PIBF1: variants seen among roughly 807,000 people sequenced by gnomAD.
PIBF1 encodes progesterone immunomodulatory binding factor 1.
In PIBF1, 90 loss-of-function variants were observed where a neutral mutation model predicts 112.5. The observed-to-expected ratio is 0.80, with a 90% confidence interval of 0.67 to 0.95. PIBF1 has a LOEUF of 0.95. Ranked by LOEUF, PIBF1 falls within the 40% of genes least tolerant of loss-of-function variation. PIBF1 has a pLI of 0.00. For missense variants in PIBF1, 915 were observed against 852.3 expected (o/e 1.07, Z -0.92); for synonymous variants, 301 against 288.6 (o/e 1.04, Z -0.44).
At chr13:72,851,532 GC>G (rs2038156478) in intron 9 of PIBF1, among the ~76,000 whole-genome samples, 2 of 152,358 alleles carry the variant, frequency 1.3e-5, no homozygotes, top group Non-Finnish European at 2.9e-5. Context: ...GTGCAGGCCT[GC>G]AGGTGCCCTT....
At chr13:73,005,481 T>C (rs1228963717) in intron 17 of PIBF1, among the ~76,000 whole-genome samples, 1 of 151,220 alleles carries the variant, frequency 6.6e-6, no homozygotes, top group East Asian at 1.9e-4. Flanking sequence ...CTCAAAATAA[T>C]ATATATAAAA....
chr13:72,884,337 A>G (rs887669728), intron 10 of PIBF1: 1 of 152,208 alleles, frequency 6.6e-6, no homozygotes, highest in African/African-American at 2.4e-5. Flanking sequence ...TTTTATTAAT[A>G]TCGCAAGCCT....
intron 14 of PIBF1, among the ~76,000 whole-genome samples, chr13:72,932,994 A>G (rs1169496758): frequency 6.6e-6 from 1 of 152,182 alleles, no homozygotes; most frequent in Non-Finnish European, 1.5e-5. Flanking sequence ...TAAAGCTCAT[A>G]TGAACATTCA....
chr13:72,881,392 T>C (rs1284726899), intron 10 of PIBF1, among the ~76,000 whole-genome samples: 1 of 152,082 alleles, frequency 6.6e-6, no homozygotes, highest in African/African-American at 2.4e-5. Context: ...CCATTTACAA[T>C]AGCTACAAAT....
chr13:72,886,567 A>G (rs1052328071), intron 10 of PIBF1, among the ~76,000 whole-genome samples: 3 of 152,042 alleles, frequency 2.0e-5, no homozygotes, highest in African/African-American at 7.2e-5. Context: ...ACATACCTGT[A>G]GTACCTATTT....
chr13:72,929,001 C>A (rs1035661312), intron 13 of PIBF1, among the ~76,000 whole-genome samples: 2 of 152,100 alleles, frequency 1.3e-5, no homozygotes, highest in Non-Finnish European at 2.9e-5. Context: ...TGTGTAATTG[C>A]ATTTGATTGT....
chr13:72,857,214 TC>T (rs1264756431), intron 10 of PIBF1, among the ~76,000 whole-genome samples: 1 of 152,144 alleles, frequency 6.6e-6, no homozygotes, highest in Non-Finnish European at 1.5e-5. Flanking sequence ...AAAATTGAGA[TC>T]CATACCTCAT....
chr13:73,011,066 T>TCC (rs144254518), intron 17 of PIBF1, among the ~76,000 whole-genome samples: 7 of 151,470 alleles, frequency 4.6e-5, no homozygotes, highest in Non-Finnish European at 8.8e-5. Flanking sequence ...CCTCAGGTGA[T>TCC]CCCCCCCACC....
intron 15 of PIBF1, among the ~76,000 whole-genome samples, chr13:72,972,265 C>G (rs191943266): frequency 6.6e-6 from 1 of 152,044 alleles, no homozygotes; most frequent in Admixed American, 6.6e-5. Context: ...CTCCTGGGCT[C>G]ATGCAGTTCT....
At position 72,837,054 on chromosome 13, in the gene PIBF1, T is replaced by G. The variant is rs573766256; in HGVS notation, c.1223+1686T>G. Among the ~76,000 whole-genome samples the G allele has an allele frequency of 1.4e-3, 216 of 152,202 alleles. 1 individual carries two copies. The highest frequency in any genetic ancestry group is 5.1e-3 in the African/African-American group (211 of 41,562). On this transcript the variant is annotated intron_variant, in intron 9 of 17. Transcript: ENST00000326291. Reference sequence around the variant, plus strand: ...ATGTCATATTTATAATCTAGTATTATATTTTCAATGAAAATGGCAAAGAAT... The same window carrying G: ...ATGTCATATTTATAATCTAGTATTAGATTTTCAATGAAAATGGCAAAGAAT...
intron 11 of PIBF1, among the ~76,000 whole-genome samples, chr13:72,895,464 T>TG (rs2040245157): frequency 6.6e-6 from 1 of 151,344 alleles, no homozygotes; most frequent in Admixed American, 6.6e-5. Flanking sequence ...CATAAATAAG[T>TG]GGGAAAAAAA....
intron 10 of PIBF1, among the ~76,000 whole-genome samples, chr13:72,862,861 C>A (rs1380550462): frequency 6.6e-6 from 1 of 152,052 alleles, no homozygotes; most frequent in East Asian, 1.9e-4. Context: ...TGGAAGTGAA[C>A]GTTTAGTGTA....
chr13:72,999,390 A>T (rs765130721), intron 17 of PIBF1, among the ~76,000 whole-genome samples: 1 of 152,170 alleles, frequency 6.6e-6, no homozygotes, highest in Non-Finnish European at 1.5e-5. Flanking sequence ...TGAAAACTAT[A>T]TATTTTAACA....
intron 17 of PIBF1, among the ~76,000 whole-genome samples, chr13:73,004,385 G>C (rs1170672464): frequency 2.6e-5 from 4 of 151,920 alleles, no homozygotes; most frequent in Non-Finnish European, 4.4e-5. Context: ...CAGCTACTCA[G>C]GAGGCTGAGA....
chr13:72,839,519 G>A (rs757019252), intron 9 of PIBF1, among the ~76,000 whole-genome samples: 2 of 152,176 alleles, frequency 1.3e-5, no homozygotes, highest in Non-Finnish European at 2.9e-5. Context: ...GAGGCCTGTG[G>A]TATAGATAGT....
At chr13:72,816,385 G>C (rs573614974) in intron 5 of PIBF1, among the ~76,000 whole-genome samples, 6 of 152,276 alleles carry the variant, frequency 3.9e-5, no homozygotes, top group African/African-American at 1.4e-4. Flanking sequence ...GCTCACGCCT[G>C]TAATCCCACT....
intron 5 of PIBF1, among the ~76,000 whole-genome samples, chr13:72,812,155 T>A (rs2165389): frequency 2.0e-5 from 3 of 151,924 alleles, no homozygotes; most frequent in Admixed American, 2.0e-4. Flanking sequence ...TACCAAATAC[T>A]TTGGTTTAAA....
intron 14 of PIBF1, among the ~76,000 whole-genome samples, chr13:72,963,777 T>G (rs1486877271): frequency 6.6e-6 from 1 of 151,920 alleles, no homozygotes; most frequent in Non-Finnish European, 1.5e-5. Context: ...GCAAAAGACT[T>G]GGGAAGACTT....
chr13:72,848,831 C>CAAA (rs1250173775), intron 9 of PIBF1, among the ~76,000 whole-genome samples: 1 of 93,848 alleles, frequency 1.1e-5, no homozygotes, highest in Non-Finnish European at 2.2e-5. Flanking sequence ...GACTCCGTCT[C>CAAA]AAAAAAAAAA....
Sources: allele counts gnomAD v4.1 joint callset (sites outside exome capture counted in the v4.1 genomes callset), GRCh38; gene constraint gnomAD v4.1.1; transcripts MANE v1.5; gene names NCBI Gene and HGNC (gene_info 2026-07-23, HGNC 2026-07-21).